XG: variants seen among roughly 807,000 people sequenced by gnomAD.
XG encodes the protein Xg glycoprotein (Xg blood group), also known as glycoprotein Xg.
In XG, 24 loss-of-function variants were observed where a neutral mutation model predicts 25.7. That is an observed-to-expected ratio of 0.93 (90% CI 0.68 to 1.31). The LOEUF (loss-of-function observed/expected upper bound fraction) is 1.31, where lower values mean the gene tolerates loss of function less well. Ranked by LOEUF, XG falls within the 40% of genes most tolerant of loss-of-function variation. The probability of loss-of-function intolerance (pLI) is 0.00; values close to 1 mark genes in which losing one functional copy is unlikely to be tolerated. For missense variants in XG, 181 were observed against 187.6 expected (o/e 0.96, Z 0.21); for synonymous variants, 77 against 69.2 (o/e 1.11, Z -0.56).
intron 3 of XG, among the ~76,000 whole-genome samples, chrX:2,776,185 G>T (rs890110271): frequency 1.2e-4 from 19 of 152,032 alleles, no homozygotes; most frequent in African/African-American, 4.6e-4. Flanking sequence ...CCGAGAGACG[G>T]CTAATGCTTA....
At chrX:2,759,726 C>T (rs1259787677) in intron 1 of XG, among the ~76,000 whole-genome samples, 2 of 152,154 alleles carry the variant, frequency 1.3e-5, no homozygotes, top group Non-Finnish European at 2.9e-5. Flanking sequence ...TGTGAGGGCC[C>T]CCCTCATTCC....
chrX:2,778,834 T>G (rs917526348), intron 3 of XG, among the ~76,000 whole-genome samples: 1 of 151,318 alleles, frequency 6.6e-6, no homozygotes, highest in Non-Finnish European at 1.5e-5. Flanking sequence ...AGTGCAGTGG[T>G]GTGATCTCAC....
intron 1 of XG, among the ~76,000 whole-genome samples, chrX:2,762,116 G>A (rs311122): frequency 0.16 from 24,983 of 152,126 alleles, 2,642 homozygotes; most frequent in African/African-American, 0.31. Flanking sequence ...ATAACACACC[G>A]TCAACCAGTG....
At position 2,814,906 on chromosome X, in the gene XG, A is replaced by T. The variant is rs1347150394; in HGVS notation, c.*526A>T. ...ATGAAGTGGGGATGCATTATTTCTGACACCCACAAGCAGGGTTTGATCATC... is the reference window on the plus strand; with the variant it reads ...ATGAAGTGGGGATGCATTATTTCTGTCACCCACAAGCAGGGTTTGATCATC... On this transcript the variant is annotated 3_prime_UTR_variant, in exon 11 of 11. Transcript: ENST00000644266. 1 of 112,215 alleles carries T rather than the reference A, an allele frequency of 8.9e-6. No homozygotes were observed. Among genetic ancestry groups the T allele is most frequent in the African/African-American group, 3.2e-5 (1 of 30,842 alleles). 9.2% of individuals were successfully genotyped at this position (112,215 alleles called of 1,213,427 possible).
intron 1 of XG, among the ~76,000 whole-genome samples, chrX:2,754,931 T>C (rs2050402969): frequency 6.6e-6 from 1 of 152,192 alleles, no homozygotes; most frequent in Non-Finnish European, 1.5e-5. Flanking sequence ...TCCAATCAAG[T>C]TGACATTCAG....
intron 1 of XG, among the ~76,000 whole-genome samples, chrX:2,757,421 G>C (rs312233): frequency 0.53 from 79,946 of 150,332 alleles, 21,694 homozygotes; most frequent in African/African-American, 0.65. Context: ...CTGCCCTCTT[G>C]TATCTAGTAT....
At chrX:2,776,397 G>C in intron 3 of XG, among the ~76,000 whole-genome samples, 1 of 152,238 alleles carries the variant, frequency 6.6e-6, no homozygotes, top group East Asian at 1.9e-4. Flanking sequence ...GGGGCTTTGG[G>C]CGTTACTAAT....
intron 7 of XG, among the ~76,000 whole-genome samples, chrX:2,799,903 C>T (rs2086919215): frequency 8.9e-6 from 1 of 111,827 alleles, no homozygotes; most frequent in South Asian, 3.8e-4. Context: ...ATTTGGTTTT[C>T]TGTTCCTGCA....
chrX:2,773,747 GAA>G (rs2050900148), intron 2 of XG, among the ~76,000 whole-genome samples: 1 of 28,456 alleles, frequency 3.5e-5, no homozygotes, highest in Non-Finnish European at 7.2e-5. Context: ...AGGAGAGAAG[GAA>G]GGAAGGAGCG....
intron 3 of XG, among the ~76,000 whole-genome samples, chrX:2,779,639 C>T (rs770050309): frequency 1.3e-5 from 2 of 152,042 alleles, no homozygotes; most frequent in South Asian, 2.1e-4. Flanking sequence ...AGTATATGTT[C>T]CTGTATATTT....
At chrX:2,805,712 C>A (rs2086990470) in intron 7 of XG, among the ~76,000 whole-genome samples, 1 of 111,995 alleles carries the variant, frequency 8.9e-6, no homozygotes, top group Non-Finnish European at 1.9e-5. Flanking sequence ...CAGGGTCGTC[C>A]CTCTGTGTGT....
chrX:2,783,308 G>T (rs544889674), intron 4 of XG, among the ~76,000 whole-genome samples: 1 of 74,877 alleles, frequency 1.3e-5, no homozygotes, highest in South Asian at 1.2e-3. Flanking sequence ...TGAAAAATAT[G>T]CAATTCAAAA....
chrX:2,766,426 A>T (rs907366735), intron 1 of XG, among the ~76,000 whole-genome samples: 3 of 151,330 alleles, frequency 2.0e-5, no homozygotes, highest in African/African-American at 7.3e-5. Flanking sequence ...GGCGTGAGCC[A>T]CCGCACCCGG....
At chrX:2,812,054 A>G (rs1187295641) in intron 10 of XG, among the ~76,000 whole-genome samples, 3 of 102,471 alleles carry the variant, frequency 2.9e-5, no homozygotes, top group Non-Finnish European at 4.2e-5. Context: ...TTGCAAGACT[A>G]TAAGCATGAC....
chrX:2,778,534 C>G lies in XG; in HGVS notation c.128-3532C>G, dbSNP rs189634205. Among the ~76,000 whole-genome samples, 1,123 of 151,958 alleles carry G rather than the reference C, an allele frequency of 7.4e-3. 20 individuals carry two copies. The highest frequency in any genetic ancestry group is 0.026 in the African/African-American group (1,084 of 41,422). ...TCCAGCCTGCGTGACAGAGCAAGACCCTGTCTCAAAAGAAAAGAAAAAAAA... is the reference window on the plus strand; with the variant it reads ...TCCAGCCTGCGTGACAGAGCAAGACGCTGTCTCAAAAGAAAAGAAAAAAAA... On this transcript the variant is annotated intron_variant, in intron 3 of 10. Transcript: ENST00000644266.
At position 2,770,609 on chromosome X, in the gene XG, A is replaced by G. The variant is rs763466807; in HGVS notation, c.103+18A>G. The G allele has an allele frequency of 1.9e-6, 3 of 1,613,740 alleles. No individual in the cohort carries two copies. The highest frequency in any genetic ancestry group is 4.5e-5 in the East Asian group (2 of 44,880). ...TGACCCTGGTAAGTGCCGATATTTC[A>G]AGGGGAGCCTTCCCTTTTCAGCTTG... is the stretch of plus-strand genomic sequence containing the variant. On this transcript the variant is annotated intron_variant, in intron 2 of 10. Coordinates refer to ENST00000644266, the MANE Select transcript of XG (RefSeq NM_001141919.2).
At chrX:2,769,268 G>A (rs311144) in intron 1 of XG, among the ~76,000 whole-genome samples, 3,851 of 152,242 alleles carry the variant, frequency 0.025, 166 homozygotes, top group African/African-American at 0.088. Context: ...ACATCAGAGC[G>A]GGGGAGACCC....
chrX:2,804,259 G>C (rs1055672300), intron 7 of XG, among the ~76,000 whole-genome samples: 13 of 111,925 alleles, frequency 1.2e-4, no homozygotes, highest in Non-Finnish European at 1.3e-4. Flanking sequence ...GTTTCAGAGT[G>C]AAACCATGAA....
intron 1 of XG, chrX:2,753,024 T>C: frequency 2.1e-6 from 2 of 973,074 alleles, no homozygotes; most frequent in Non-Finnish European, 2.4e-6. Flanking sequence ...GTCATTTTCA[T>C]GTGGCGATTT....
Sources: gnomAD v4.1 joint callset for allele counts (sites outside exome capture counted in the v4.1 genomes callset) on GRCh38, gnomAD v4.1.1 for gene constraint, MANE v1.5 for transcripts, NCBI Gene and HGNC (gene_info 2026-07-23, HGNC 2026-07-21) for gene names.